Variants in SLC39A11 observed in about 807,000 individuals in gnomAD.
The protein encoded by SLC39A11 is zinc transporter ZIP11.
Under a neutral mutation model 36.1 loss-of-function variants are expected in SLC39A11, and 33 were observed. The ratio of observed to expected loss-of-function variants is 0.91; its 90% CI spans 0.69 to 1.22. The LOEUF (loss-of-function observed/expected upper bound fraction) is 1.22, where lower values mean the gene tolerates loss of function less well. Ranked by LOEUF, SLC39A11 falls within the 50% of genes most tolerant of loss-of-function variation. SLC39A11 has a pLI of 0.00. For synonymous variants in SLC39A11, 166 were observed against 170.3 expected (o/e 0.97, Z 0.20); for missense variants, 432 against 430.3 (o/e 1.00, Z -0.03).
At chr17:73,013,120 A>C (rs2090613648) in intron 4 of SLC39A11, among the ~76,000 whole-genome samples, 1 of 148,676 alleles carries the variant, frequency 6.7e-6, no homozygotes, top group Admixed American at 6.8e-5. Context: ...TTTTTGAGAC[A>C]GTCTTGCTGT....
At chr17:72,722,888 G>A (rs904772381) in intron 7 of SLC39A11, among the ~76,000 whole-genome samples, 2 of 152,006 alleles carry the variant, frequency 1.3e-5, no homozygotes, top group African/African-American at 4.8e-5. Context: ...CACCAGCCTC[G>A]ACCTCCCAAA....
chr17:72,675,935 T>A (rs1273588502), intron 7 of SLC39A11, among the ~76,000 whole-genome samples: 1 of 152,088 alleles, frequency 6.6e-6, no homozygotes, highest in Non-Finnish European at 1.5e-5. Context: ...TGCCTTGGCC[T>A]CCCAAAGTGC....
chr17:72,761,725 G>A (rs2075585680), intron 6 of SLC39A11, among the ~76,000 whole-genome samples: 1 of 152,144 alleles, frequency 6.6e-6, no homozygotes, highest in Non-Finnish European at 1.5e-5. Flanking sequence ...ATCAAGTGTG[G>A]GTTTGGCCCA....
intron 6 of SLC39A11, among the ~76,000 whole-genome samples, chr17:72,797,253 T>C (rs564438007): frequency 9.9e-5 from 15 of 152,066 alleles, no homozygotes; most frequent in Non-Finnish European, 1.9e-4. Flanking sequence ...TAAATAATAG[T>C]AGCCATGTCC....
At chr17:72,929,041 C>T (rs2084225859) in intron 5 of SLC39A11, among the ~76,000 whole-genome samples, 1 of 152,094 alleles carries the variant, frequency 6.6e-6, no homozygotes, top group Admixed American at 6.5e-5. Flanking sequence ...GCAGAGCGAA[C>T]CCACAGAGCC....
chr17:73,027,744 T>C (rs1337720501), intron 4 of SLC39A11, among the ~76,000 whole-genome samples: 2 of 152,160 alleles, frequency 1.3e-5, no homozygotes, highest in African/African-American at 4.8e-5. Flanking sequence ...CCCGAACACA[T>C]ATAACCAGGG....
chr17:72,890,801 C>G (rs768040642), intron 5 of SLC39A11, among the ~76,000 whole-genome samples: 2 of 151,978 alleles, frequency 1.3e-5, no homozygotes, highest in African/African-American at 2.4e-5. Context: ...AAGTGGACTG[C>G]TGATGAAATG....
At chr17:72,901,543 C>T (rs559454580) in intron 5 of SLC39A11, among the ~76,000 whole-genome samples, 26 of 152,256 alleles carry the variant, frequency 1.7e-4, no homozygotes, top group African/African-American at 3.4e-4. Context: ...GAGAGAGGCT[C>T]GGGTTTGGAC....
At chr17:73,017,181 C>T (rs2058195961) in intron 4 of SLC39A11, among the ~76,000 whole-genome samples, 1 of 152,128 alleles carries the variant, frequency 6.6e-6, no homozygotes, top group African/African-American at 2.4e-5. Flanking sequence ...GCAAATGTTT[C>T]CAATTAATTC....
intron 5 of SLC39A11, among the ~76,000 whole-genome samples, chr17:72,863,577 C>T (rs56192323): frequency 0.038 from 5,815 of 152,268 alleles, 163 homozygotes; most frequent in Middle Eastern, 0.058. Flanking sequence ...ATATTAGAGT[C>T]TACCCCATAA....
chr17:72,934,830 C>T (rs1315511445), intron 5 of SLC39A11, among the ~76,000 whole-genome samples: 3 of 152,088 alleles, frequency 2.0e-5, no homozygotes. Flanking sequence ...CACCAGAGAC[C>T]ACTACTACAC....
intron 7 of SLC39A11, among the ~76,000 whole-genome samples, chr17:72,679,071 T>G (rs1253661274): frequency 6.6e-6 from 1 of 152,084 alleles, no homozygotes; most frequent in African/African-American, 2.4e-5. Context: ...CTACAAAAGT[T>G]GATCTCATGC....
At chr17:72,770,371 A>G (rs553545135) in intron 6 of SLC39A11, among the ~76,000 whole-genome samples, 9 of 152,326 alleles carry the variant, frequency 5.9e-5, no homozygotes, top group African/African-American at 2.2e-4. Flanking sequence ...GGAAGATAAA[A>G]AAGTTCGGGA....
At chr17:72,690,350 G>A (rs143920550) in intron 7 of SLC39A11, among the ~76,000 whole-genome samples, 1,981 of 152,332 alleles carry the variant, frequency 0.013, 35 homozygotes, top group Admixed American at 0.06. Context: ...GAGGATACAC[G>A]TCGGAGAATT....
rs551415721 is a variant in SLC39A11, at chr17:72,845,093, C to A, written c.601+4541G>T. Among the ~76,000 whole-genome samples the A allele has an allele frequency of 3.9e-5, 6 of 152,358 alleles. No homozygotes were observed. The South Asian group carries it at 1.0e-3, about 26-fold the overall frequency. ...ACTATCATCTTTGATCTGGATTCTG[C>A]AGTGGCCTCTACATAGGCCTCCCTG... On this transcript the variant is annotated intron_variant, in intron 6 of 9. Coordinates refer to ENST00000255559, the MANE Select transcript of SLC39A11 (RefSeq NM_139177.4).
intron 5 of SLC39A11, among the ~76,000 whole-genome samples, chr17:72,912,080 A>G (rs2083040165): frequency 6.6e-6 from 1 of 152,136 alleles, no homozygotes; most frequent in African/African-American, 2.4e-5. Context: ...GAAAGATGTT[A>G]CCCAAGGAGC....
chr17:72,695,544 G>C (rs2072255273), intron 7 of SLC39A11, among the ~76,000 whole-genome samples: 1 of 152,160 alleles, frequency 6.6e-6, no homozygotes, highest in Admixed American at 6.6e-5. Context: ...CACAGAAGAG[G>C]GTGCAGAGGG....
intron 7 of SLC39A11, among the ~76,000 whole-genome samples, chr17:72,692,683 G>T (rs1469042637): frequency 6.6e-6 from 1 of 152,210 alleles, no homozygotes; most frequent in Non-Finnish European, 1.5e-5. Flanking sequence ...TTCAGGCTGA[G>T]ATTTGAATGG....
chr17:72,943,134 G>C (rs1402483498), intron 5 of SLC39A11, among the ~76,000 whole-genome samples: 1 of 152,126 alleles, frequency 6.6e-6, no homozygotes, highest in Non-Finnish European at 1.5e-5. Flanking sequence ...GTGGAAGAAG[G>C]GGATCAAAGA....
Sources: gnomAD v4.1 joint callset for allele counts (sites outside exome capture counted in the v4.1 genomes callset) on GRCh38, gnomAD v4.1.1 for gene constraint, MANE v1.5 for transcripts, NCBI Gene and HGNC (gene_info 2026-07-23, HGNC 2026-07-21) for gene names.